The following WWOX variants were observed in gnomAD, a reference collection of about 807,000 sequenced individuals.
WWOX encodes the protein WW domain-containing oxidoreductase.
Under a neutral mutation model 46.2 loss-of-function variants are expected in WWOX, and 69 were observed. The observed-to-expected ratio is 1.49, with a 90% confidence interval of 1.23 to 1.82. WWOX has a LOEUF of 1.82. Ranked by LOEUF, WWOX falls within the 40% of genes most tolerant of loss-of-function variation. WWOX has a pLI of 0.00. For synonymous variants in WWOX, 359 were observed against 202.6 expected (o/e 1.77, Z -6.56); for missense variants, 919 against 542.6 (o/e 1.69, Z -6.89).
chr16:78,997,332 C>G (rs897376428), intron 8 of WWOX, among the ~76,000 whole-genome samples: 19 of 152,100 alleles, frequency 1.2e-4, no homozygotes, highest in Admixed American at 3.9e-4. Flanking sequence ...AATAACGTAC[C>G]TCTTAACTGC....
At chr16:79,033,044 A>G (rs2047795960) in intron 8 of WWOX, among the ~76,000 whole-genome samples, 1 of 151,250 alleles carries the variant, frequency 6.6e-6, no homozygotes, top group African/African-American at 2.4e-5. Context: ...TATTGAATTA[A>G]TTTGCTAAGG....
At chr16:78,737,905 C>A (rs937444870) in intron 8 of WWOX, among the ~76,000 whole-genome samples, 2 of 152,120 alleles carry the variant, frequency 1.3e-5, no homozygotes, top group Admixed American at 1.3e-4. Context: ...AGTTCCCAGT[C>A]AGTCATTTCC....
At chr16:78,628,121 C>T (rs1028183355) in intron 8 of WWOX, among the ~76,000 whole-genome samples, 3 of 152,166 alleles carry the variant, frequency 2.0e-5, no homozygotes, top group Non-Finnish European at 4.4e-5. Flanking sequence ...AATGAACCTT[C>T]ACACCGAGGA....
chr16:78,338,390 C>T (rs962438655), intron 5 of WWOX, among the ~76,000 whole-genome samples: 2 of 120,812 alleles, frequency 1.7e-5, no homozygotes, highest in African/African-American at 5.6e-5. Context: ...GTAAAGTGTG[C>T]AATATTATCC....
At chr16:79,182,001 C>T (rs1776896550) in intron 8 of WWOX, among the ~76,000 whole-genome samples, 2 of 152,170 alleles carry the variant, frequency 1.3e-5, no homozygotes, top group African/African-American at 4.8e-5. Flanking sequence ...AATCCCGGGG[C>T]AGTTTGTGGA....
intron 8 of WWOX, among the ~76,000 whole-genome samples, chr16:78,783,486 C>A (rs146312103): frequency 6.6e-6 from 1 of 152,170 alleles, no homozygotes; most frequent in Non-Finnish European, 1.5e-5. Flanking sequence ...GGGAAAGTAG[C>A]TCTTTGTACC....
At chr16:78,201,933 T>G (rs566841578) in intron 5 of WWOX, among the ~76,000 whole-genome samples, 2 of 152,144 alleles carry the variant, frequency 1.3e-5, no homozygotes, top group South Asian at 4.2e-4. Context: ...ACTCCTAAAC[T>G]CAGGCAGTCC....
chr16:78,808,750 T>C (rs2051107796), intron 8 of WWOX, among the ~76,000 whole-genome samples: 1 of 152,068 alleles, frequency 6.6e-6, no homozygotes, highest in Non-Finnish European at 1.5e-5. Flanking sequence ...ATGAGTAAAT[T>C]GAGATGCGTA....
rs557344814 is a variant in WWOX at position 78,334,605 on chromosome 16, A to G, written c.517-52255A>G. On this transcript the variant is annotated intron_variant, in intron 5 of 8. Transcript: ENST00000566780. Reference sequence around the variant, plus strand: ...ATCAAGATATTCCCAAACAGAACATAGAGTTGTGTATTGTTGGGAACTAAT... The same window carrying G: ...ATCAAGATATTCCCAAACAGAACATGGAGTTGTGTATTGTTGGGAACTAAT... 7.1e-4 allele frequency among the ~76,000 whole-genome samples: 108 copies of G among 152,226 alleles called. 1 individual carries two copies. Among genetic ancestry groups the G allele is most frequent in the African/African-American group, 2.4e-3 (101 of 41,492 alleles).
intron 8 of WWOX, among the ~76,000 whole-genome samples, chr16:78,436,735 A>G (rs989402209): frequency 4.6e-5 from 7 of 152,156 alleles, no homozygotes; most frequent in African/African-American, 1.7e-4. Context: ...GAGAGGAATC[A>G]CTGTGAATGT....
At chr16:79,208,780 A>G (rs1567620906) in intron 8 of WWOX, among the ~76,000 whole-genome samples, 1 of 152,192 alleles carries the variant, frequency 6.6e-6, no homozygotes, top group Non-Finnish European at 1.5e-5. Context: ...CCTGTTACTA[A>G]ACTGTCATCA....
intron 5 of WWOX, among the ~76,000 whole-genome samples, chr16:78,370,911 C>G (rs1489641893): frequency 1.4e-5 from 2 of 144,902 alleles, no homozygotes; most frequent in African/African-American, 2.5e-5. Context: ...GCCAACATTT[C>G]TAAAAATTTT....
intron 8 of WWOX, chr16:78,495,836 C>T (rs1301210614): frequency 6.6e-6 from 1 of 152,084 alleles, no homozygotes; most frequent in Non-Finnish European, 1.5e-5. Context: ...TACTTTGAAC[C>T]AATCTGTGCT....
At chr16:78,241,715 C>T (rs2037655532) in intron 5 of WWOX, among the ~76,000 whole-genome samples, 1 of 152,172 alleles carries the variant, frequency 6.6e-6, no homozygotes, top group Non-Finnish European at 1.5e-5. Context: ...GTTGGGATTA[C>T]AGGCGTGAAC....
At chr16:78,783,684 A>G (rs1336030019) in intron 8 of WWOX, among the ~76,000 whole-genome samples, 1 of 151,132 alleles carries the variant, frequency 6.6e-6, no homozygotes, top group Non-Finnish European at 1.5e-5. Context: ...GAATAAAAGT[A>G]TGATGATGAT....
At chr16:78,524,021 G>T (rs1023864270) in intron 8 of WWOX, among the ~76,000 whole-genome samples, 6 of 152,190 alleles carry the variant, frequency 3.9e-5, no homozygotes, top group African/African-American at 1.2e-4. Flanking sequence ...GTTTCGTGTG[G>T]ATCACATGGG....
chr16:78,567,564 A>AAG lies in WWOX; in HGVS notation c.1056+134813_1056+134814insGA, dbSNP rs1426609973. Among the ~76,000 whole-genome samples, 154 of 150,616 alleles carry AAG rather than the reference A, an allele frequency of 1.0e-3. 1 individual carries two copies. The highest frequency in any genetic ancestry group is 3.5e-3 in the African/African-American group (144 of 40,588). ...GGAGACTCCGTCTCAAAAAAAAAAAAAAAAAAAAAAAGAAGTGAGTTTTTT... is the reference window on the plus strand; with the variant it reads ...GGAGACTCCGTCTCAAAAAAAAAAAAAGAAAAAAAAAAAGAAGTGAGTTTTTT... On this transcript the variant is annotated intron_variant, in intron 8 of 8. Transcript: ENST00000566780.
intron 8 of WWOX, among the ~76,000 whole-genome samples, chr16:78,681,612 C>G (rs1171137378): frequency 6.6e-6 from 1 of 151,916 alleles, no homozygotes; most frequent in African/African-American, 2.4e-5. Flanking sequence ...ATTAGAATCT[C>G]TAGGGACAGA....
intron 5 of WWOX, among the ~76,000 whole-genome samples, chr16:78,174,141 C>A (rs994399085): frequency 6.6e-6 from 1 of 152,162 alleles, no homozygotes; most frequent in South Asian, 2.1e-4. Context: ...CATTTTCATG[C>A]TTCTAATAAA....
Sources: gnomAD v4.1 joint callset for allele counts (sites outside exome capture counted in the v4.1 genomes callset) on GRCh38, gnomAD v4.1.1 for gene constraint, MANE v1.5 for transcripts, NCBI Gene and HGNC (gene_info 2026-07-23, HGNC 2026-07-21) for gene names.